Variants in SPATA17 observed in about 807,000 individuals in gnomAD.
SPATA17 encodes the protein spermatogenesis associated 17, also known as spermatogenesis-associated protein 17.
Under a neutral mutation model 62.2 loss-of-function variants are expected in SPATA17, and 53 were observed. That is an observed-to-expected ratio of 0.85 (90% CI 0.68 to 1.07). SPATA17 has a LOEUF of 1.07. SPATA17 is among the 50% of genes least tolerant of loss of function. SPATA17 has a pLI of 0.00. For missense variants in SPATA17, 466 were observed against 425.5 expected (o/e 1.10, Z -0.84); for synonymous variants, 146 against 146.8 (o/e 0.99, Z 0.04).
intron 9 of SPATA17, among the ~76,000 whole-genome samples, chr1:217,836,276 C>G (rs1277388900): frequency 2.6e-5 from 4 of 152,250 alleles, no homozygotes; most frequent in Middle Eastern, 6.8e-3. Flanking sequence ...GTTGCAGATA[C>G]TCTACTTGGA....
At chr1:217,837,065 C>G (rs1675277329) in intron 9 of SPATA17, among the ~76,000 whole-genome samples, 1 of 151,842 alleles carries the variant, frequency 6.6e-6, no homozygotes, top group Non-Finnish European at 1.5e-5. Context: ...AGAAGTAATC[C>G]CTGTAATATT....
intron 8 of SPATA17, among the ~76,000 whole-genome samples, chr1:217,786,879 AT>A (rs543321576): frequency 6.6e-6 from 1 of 150,978 alleles, no homozygotes; most frequent in South Asian, 2.1e-4. Context: ...TATGCCAATG[AT>A]TTCCATTTTA....
At chr1:217,688,831 C>T (rs1027013109) in intron 5 of SPATA17, among the ~76,000 whole-genome samples, 3 of 151,938 alleles carry the variant, frequency 2.0e-5, no homozygotes, top group South Asian at 4.2e-4. Context: ...ATTATGAAAT[C>T]GGTGGGGGAA....
intron 9 of SPATA17, among the ~76,000 whole-genome samples, chr1:217,825,340 T>A (rs970525603): frequency 6.6e-6 from 1 of 151,878 alleles, no homozygotes; most frequent in Non-Finnish European, 1.5e-5. Flanking sequence ...ACAAGTAATA[T>A]ACATGTAAAA....
chr1:217,732,715 A>C (rs909105916), intron 5 of SPATA17, among the ~76,000 whole-genome samples: 1 of 152,182 alleles, frequency 6.6e-6, no homozygotes, highest in South Asian at 2.1e-4. Context: ...GACCTTGTTA[A>C]TAATATCTGC....
At chr1:217,840,780 G>A (rs1420279385) in intron 9 of SPATA17, among the ~76,000 whole-genome samples, 2 of 151,938 alleles carry the variant, frequency 1.3e-5, no homozygotes, top group Non-Finnish European at 2.9e-5. Context: ...GATTGCTTGA[G>A]CCCAGAAGGT....
intron 5 of SPATA17, among the ~76,000 whole-genome samples, chr1:217,703,049 T>C (rs1671638546): frequency 6.6e-6 from 1 of 152,066 alleles, no homozygotes; most frequent in African/African-American, 2.4e-5. Flanking sequence ...CTAATTTTTG[T>C]ATTTTTAGTA....
chr1:217,634,386 A>G (rs1319114298), intron 1 of SPATA17, among the ~76,000 whole-genome samples: 2 of 152,128 alleles, frequency 1.3e-5, no homozygotes, highest in African/African-American at 4.8e-5. Context: ...TGGTTGGGTC[A>G]GAGATGAAAT....
intron 5 of SPATA17, among the ~76,000 whole-genome samples, chr1:217,725,597 G>A (rs1307796654): frequency 6.6e-6 from 1 of 152,092 alleles, no homozygotes; most frequent in Non-Finnish European, 1.5e-5. Flanking sequence ...TGAGTAGCTG[G>A]TATTACGGGC....
At chr1:217,635,727 T>TC (rs1669921034) in intron 1 of SPATA17, among the ~76,000 whole-genome samples, 2 of 151,564 alleles carry the variant, frequency 1.3e-5, no homozygotes, top group Non-Finnish European at 2.9e-5. Flanking sequence ...GTTGAGTGAG[T>TC]TATTATCAGT....
At chr1:217,774,204 C>T in intron 6 of SPATA17, 130 bp from the exon 7 acceptor site, 1 of 709,766 alleles carries the variant, frequency 1.4e-6, no homozygotes, top group Non-Finnish European at 2.3e-6. Context: ...TGAAGTCCAC[C>T]TCTGGTTAAG....
chr1:217,640,272 A>G (rs1461974676), intron 1 of SPATA17, among the ~76,000 whole-genome samples: 1 of 152,100 alleles, frequency 6.6e-6, no homozygotes, highest in Admixed American at 6.6e-5. Context: ...TCAAAGGCAT[A>G]AAAATTGCAA....
chr1:217,734,668 T>G (rs1400121035), intron 5 of SPATA17, among the ~76,000 whole-genome samples: 1 of 152,212 alleles, frequency 6.6e-6, no homozygotes, highest in Non-Finnish European at 1.5e-5. Context: ...TTAAGAAATC[T>G]ATGTAGTATT....
At position 217,685,898 on chromosome 1, in the gene SPATA17, A is replaced by G. The variant is rs80243773; in HGVS notation, c.395+2537A>G. Among the ~76,000 whole-genome samples the G allele has an allele frequency of 2.1e-3, 326 of 152,246 alleles. 2 individuals are homozygous for G. In the East Asian group the frequency reaches 0.024, roughly 11 times the overall value. On this transcript the variant is annotated intron_variant, in intron 5 of 10. Coordinates refer to ENST00000366933, the MANE Select transcript of SPATA17 (RefSeq NM_138796.4). Reference sequence around the variant, plus strand: ...AGAGTGAGCGAGAACACCCATTTGTATGATCTTTATTATAGTATATTGTTA... The same window carrying G: ...AGAGTGAGCGAGAACACCCATTTGTGTGATCTTTATTATAGTATATTGTTA...
intron 5 of SPATA17, among the ~76,000 whole-genome samples, chr1:217,715,229 A>G (rs1185775692): frequency 6.6e-6 from 1 of 152,186 alleles, no homozygotes; most frequent in Non-Finnish European, 1.5e-5. Context: ...AAAAATCTTC[A>G]CCGTATTAAC....
At chr1:217,728,244 A>G (rs1215740992) in intron 5 of SPATA17, among the ~76,000 whole-genome samples, 1 of 152,178 alleles carries the variant, frequency 6.6e-6, no homozygotes, top group Non-Finnish European at 1.5e-5. Flanking sequence ...AATAGAGCTA[A>G]TGTCATTCAA....
chr1:217,690,358 G>T (rs1671320421), intron 5 of SPATA17, among the ~76,000 whole-genome samples: 1 of 151,518 alleles, frequency 6.6e-6, no homozygotes, highest in African/African-American at 2.4e-5. Flanking sequence ...CTTCTATCTT[G>T]CTAATTCTCT....
chr1:217,656,302 C>T (rs1571709622), intron 3 of SPATA17, among the ~76,000 whole-genome samples: 1 of 152,140 alleles, frequency 6.6e-6, no homozygotes, highest in South Asian at 2.1e-4. Context: ...TAAAAAAATA[C>T]TTTTAAGAGT....
chr1:217,648,951 T>G lies in SPATA17; in HGVS notation c.138T>G (p.Cys46Trp). ...AVKIQSWFRG[C>W]QVRAYIRHLN... The stretch of plus-strand genomic sequence containing the variant: ...AAATCCAAAGCTGGTTTCGAGGATG[T>G]CAAGTTCGGGCATATATCAGGTATA... The change falls in exon 2 of 11, where the codon TGT becomes TGG. Residue 46 changes from cysteine (C) to tryptophan (W), a missense_variant. Coordinates refer to ENST00000366933, the MANE Select transcript of SPATA17 (RefSeq NM_138796.4). 2 of 1,610,256 alleles carry G rather than the reference T, an allele frequency of 1.2e-6. No individual in the cohort carries two copies. Among genetic ancestry groups the G allele is most frequent in the South Asian group, 2.2e-5 (2 of 90,350 alleles).
Sources: allele counts gnomAD v4.1 joint callset (sites outside exome capture counted in the v4.1 genomes callset), GRCh38; gene constraint gnomAD v4.1.1; transcripts MANE v1.5; gene names NCBI Gene and HGNC (gene_info 2026-07-23, HGNC 2026-07-21).